FBXL17: variants seen among roughly 807,000 people sequenced by gnomAD.
FBXL17 encodes F-box/LRR-repeat protein 17.
A neutral mutation model predicts 66.2 loss-of-function variants in FBXL17; 22 were observed. The ratio of observed to expected loss-of-function variants is 0.33; its 90% CI spans 0.24 to 0.47. The LOEUF (loss-of-function observed/expected upper bound fraction) is 0.47. FBXL17 is among the 20% of genes least tolerant of loss of function. The pLI is 1.00. For synonymous variants in FBXL17, 474 were observed against 400.5 expected, an observed-to-expected ratio of 1.18 and a Z score of -2.19; for missense variants, 878 against 948.2, an observed-to-expected ratio of 0.93 and a Z score of 0.97.
chr5:108,262,495 C>T (rs1281644120), intron 4 of FBXL17, among the ~76,000 whole-genome samples: 1 of 152,034 alleles, frequency 6.6e-6, no homozygotes, highest in African/African-American at 2.4e-5. Flanking sequence ...TTGGAAGGTA[C>T]TCAAAGCATC....
At chr5:108,169,888 G>A (rs181076673) in intron 6 of FBXL17, among the ~76,000 whole-genome samples, 2 of 152,046 alleles carry the variant, frequency 1.3e-5, no homozygotes, top group African/African-American at 4.8e-5. Flanking sequence ...GTGAGCTTCT[G>A]TTTAGAAGCC....
intron 8 of FBXL17, among the ~76,000 whole-genome samples, chr5:107,866,617 A>G (rs567810963): frequency 6.6e-6 from 1 of 152,350 alleles, no homozygotes; most frequent in South Asian, 2.1e-4. Flanking sequence ...AAAGTTCCAG[A>G]TAAGTGTAAA....
chr5:108,097,280 T>A (rs1053568453), intron 6 of FBXL17, among the ~76,000 whole-genome samples: 7 of 152,212 alleles, frequency 4.6e-5, no homozygotes, highest in African/African-American at 1.7e-4. Flanking sequence ...TGTGGAACTG[T>A]GAGTCAATTA....
In FBXL17 at chr5:107,981,482, C is replaced by T. The variant is rs772224721; in HGVS notation, c.1822+39443G>A. ...GGAGTAGCCCCTTATTGGAGCAGAA[C>T]GGAAAGAGCAGAGGTGGGAAGCTAC... On this transcript the variant is annotated intron_variant, in intron 7 of 8. Coordinates refer to ENST00000542267, the MANE Select transcript of FBXL17 (RefSeq NM_001163315.3). Among the ~76,000 whole-genome samples the T allele has an allele frequency of 8.5e-5, 13 of 152,240 alleles. No homozygotes were observed. In the East Asian group the frequency reaches 9.7e-4, roughly 11 times the overall value.
chr5:108,209,171 G>C (rs1754257608), intron 5 of FBXL17, among the ~76,000 whole-genome samples: 1 of 152,212 alleles, frequency 6.6e-6, no homozygotes. Context: ...TGTATCCTGA[G>C]ACTTTGCTGA....
At chr5:108,298,096 A>G in intron 4 of FBXL17, 1 of 965,246 alleles carries the variant, frequency 1.0e-6, no homozygotes, top group Non-Finnish European at 1.2e-6. Context: ...TAGGGCTTAT[A>G]TTATACAATT....
At chr5:107,898,324 C>A (rs1339126746) in intron 7 of FBXL17, among the ~76,000 whole-genome samples, 1 of 151,986 alleles carries the variant, frequency 6.6e-6, no homozygotes. Context: ...GCCTCTCCTG[C>A]CTCCTCTTAC....
At chr5:107,863,520 T>G (rs931447844) in intron 8 of FBXL17, among the ~76,000 whole-genome samples, 2 of 144,336 alleles carry the variant, frequency 1.4e-5, no homozygotes, top group Non-Finnish European at 3.2e-5. Flanking sequence ...CTCCCCTCAC[T>G]AAGTTACATA....
intron 7 of FBXL17, among the ~76,000 whole-genome samples, chr5:107,904,537 C>T (rs74660974): frequency 6.6e-6 from 1 of 151,996 alleles, no homozygotes; most frequent in Non-Finnish European, 1.5e-5. Context: ...TCTAGTTATA[C>T]CAAGCATATT....
At chr5:108,216,329 C>T (rs568577164) in intron 5 of FBXL17, among the ~76,000 whole-genome samples, 1 of 151,804 alleles carries the variant, frequency 6.6e-6, no homozygotes, top group Admixed American at 6.6e-5. Context: ...ATAGTGGATG[C>T]CTTTTCATTA....
At chr5:108,302,207 G>T (rs764956178) in intron 4 of FBXL17, 33 of 161,858 alleles carry the variant, frequency 2.0e-4, no homozygotes, top group Non-Finnish European at 3.6e-4. Context: ...CAAAGATAGT[G>T]TAATGACTAT....
intron 7 of FBXL17, among the ~76,000 whole-genome samples, chr5:107,998,567 T>C (rs1425877111): frequency 5.3e-5 from 8 of 151,740 alleles, no homozygotes; most frequent in Non-Finnish European, 8.8e-5. Flanking sequence ...ATATAATTTC[T>C]AATATATAAG....
chr5:108,373,699 T>G (rs1234370136), intron 1 of FBXL17, among the ~76,000 whole-genome samples: 1 of 152,080 alleles, frequency 6.6e-6, no homozygotes, highest in Non-Finnish European at 1.5e-5. Context: ...GTGGATCACT[T>G]GAGCCCAGGA....
chr5:108,138,811 G>C (rs1184984597), intron 6 of FBXL17, among the ~76,000 whole-genome samples: 2 of 152,138 alleles, frequency 1.3e-5, no homozygotes, highest in Non-Finnish European at 2.9e-5. Context: ...AAATTCTGTG[G>C]TAAGTGCAAT....
At chr5:108,331,175 A>T (rs571142076) in intron 4 of FBXL17, among the ~76,000 whole-genome samples, 2 of 152,370 alleles carry the variant, frequency 1.3e-5, no homozygotes, top group African/African-American at 4.8e-5. Flanking sequence ...ACAAAATTTT[A>T]TCAATTAGTT....
intron 4 of FBXL17, among the ~76,000 whole-genome samples, chr5:108,321,815 T>C (rs2150219960): frequency 6.6e-6 from 1 of 151,664 alleles, no homozygotes; most frequent in Middle Eastern, 3.4e-3. Context: ...TCCAATCACA[T>C]ATGAAGAACT....
intron 6 of FBXL17, among the ~76,000 whole-genome samples, chr5:108,177,595 G>A (rs1349721916): frequency 6.6e-6 from 1 of 151,930 alleles, no homozygotes; most frequent in Non-Finnish European, 1.5e-5. Flanking sequence ...GAACTATCCT[G>A]GTCAAATCAG....
chr5:108,307,341 G>A (rs10063449), intron 4 of FBXL17, among the ~76,000 whole-genome samples: 64,091 of 151,854 alleles, frequency 0.42, 14,317 homozygotes, highest in Non-Finnish European at 0.5. Flanking sequence ...GTCTCACTCC[G>A]TCACCCAGGC....
chr5:107,985,570 A>AT (rs1325992553), intron 7 of FBXL17, among the ~76,000 whole-genome samples: 1 of 151,944 alleles, frequency 6.6e-6, no homozygotes, highest in Non-Finnish European at 1.5e-5. Context: ...TGTTTACTTC[A>AT]TTTTTTTCTA....
Sources: gnomAD v4.1 joint callset for allele counts (sites outside exome capture counted in the v4.1 genomes callset) on GRCh38, gnomAD v4.1.1 for gene constraint, MANE v1.5 for transcripts, NCBI Gene and HGNC (gene_info 2026-07-23, HGNC 2026-07-21) for gene names.